NFIX: variants seen among roughly 807,000 people sequenced by gnomAD.
The protein encoded by NFIX is nuclear factor 1 X-type.
Under a neutral mutation model 53.3 loss-of-function variants are expected in NFIX, and 2 were observed. The ratio of observed to expected loss-of-function variants is 0.04; its 90% confidence interval spans 0.02 to 0.12. The LOEUF (loss-of-function observed/expected upper bound fraction) is 0.12, where lower values mean the gene tolerates loss of function less well. Ranked by LOEUF, NFIX falls within the 10% of genes least tolerant of loss-of-function variation. NFIX has a pLI of 1.00. For missense variants in NFIX, 310 were observed against 674.5 expected (o/e 0.46, Z 5.99); for synonymous variants, 244 against 289.0 (o/e 0.84, Z 1.58).
At chr19:13,053,438 G>C (rs995383188) in intron 2 of NFIX, among the ~76,000 whole-genome samples, 7 of 152,186 alleles carry the variant, frequency 4.6e-5, no homozygotes, top group Admixed American at 2.0e-4. Flanking sequence ...AACTGCAGAG[G>C]GGGGAAGGGG....
At chr19:13,039,085 A>AAG (rs2014420447) in intron 2 of NFIX, among the ~76,000 whole-genome samples, 1 of 152,196 alleles carries the variant, frequency 6.6e-6, no homozygotes, top group South Asian at 2.1e-4. Flanking sequence ...AGATATGGCC[A>AAG]AGAGAGAGGC....
At position 13,025,419 on chromosome 19, in the gene NFIX, G is replaced by A. The variant is rs1454047537; in HGVS notation, c.426G>A (p.Leu142=). 2 of 1,614,062 alleles carry A rather than the reference G, an allele frequency of 1.2e-6. No homozygotes were observed. The highest frequency in any genetic ancestry group is 3.3e-5 in the Admixed American group (2 of 60,032). ...TGATTTTGTTTAAGGGGATCCCCCTGGAAAGTACTGATGGGGAGCGGCTCT... is the reference window on the plus strand; with the variant it reads ...TGATTTTGTTTAAGGGGATCCCCCTAGAAAGTACTGATGGGGAGCGGCTCT... The part of the protein sequence containing the change: ...VMVILFKGIP[L]ESTDGERLYK... Residue 142 remains leucine, a synonymous_variant, in exon 2 of 11, where the codon CTG becomes CTA. Transcript: ENST00000592199. This position sits in a 1 kb window ranked among gnomAD's most constrained non-coding sequence, Gnocchi z 7.5.
At chr19:13,055,405 G>C (rs780984823) in intron 2 of NFIX, among the ~76,000 whole-genome samples, 13 of 152,200 alleles carry the variant, frequency 8.5e-5, no homozygotes, top group Non-Finnish European at 1.5e-4. Flanking sequence ...GCATCCGGGG[G>C]CCCCGCCAGG....
At chr19:13,057,044 A>G (rs1003307206) in intron 2 of NFIX, among the ~76,000 whole-genome samples, 5 of 152,226 alleles carry the variant, frequency 3.3e-5, no homozygotes, top group African/African-American at 1.2e-4. Flanking sequence ...GAGGAGGGCT[A>G]TGAGGGGAGG....
intron 2 of NFIX, among the ~76,000 whole-genome samples, chr19:13,039,759 T>C (rs964448287): frequency 3.3e-5 from 5 of 152,182 alleles, no homozygotes; most frequent in African/African-American, 1.2e-4. Context: ...GCTGGAATCT[T>C]GGAGCTGGGA....
At chr19:13,018,711 C>T (rs944128567) in intron 1 of NFIX, among the ~76,000 whole-genome samples, 4 of 152,234 alleles carry the variant, frequency 2.6e-5, no homozygotes, top group South Asian at 2.1e-4. Context: ...CCAGTGCTGC[C>T]GCTGCGTCAT....
intron 2 of NFIX, among the ~76,000 whole-genome samples, chr19:13,069,322 C>A (rs1379933243): frequency 6.6e-6 from 1 of 152,178 alleles, no homozygotes; most frequent in Non-Finnish European, 1.5e-5. Context: ...GGGGACATGG[C>A]CCCAGAAGAC....
chr19:13,000,986 C>T (rs1186500125), intron 1 of NFIX, among the ~76,000 whole-genome samples: 1 of 152,188 alleles, frequency 6.6e-6, no homozygotes, highest in Non-Finnish European at 1.5e-5. Flanking sequence ...TCTCCCCCAC[C>T]CCCATGAAGC....
chr19:13,046,474 C>CT (rs2014994477), intron 2 of NFIX, among the ~76,000 whole-genome samples: 1 of 151,914 alleles, frequency 6.6e-6, no homozygotes, highest in African/African-American at 2.4e-5. Flanking sequence ...TTCCCCCCCC[C>CT]TCTTTTTTTT....
chr19:13,039,533 C>T (rs1300195356), intron 2 of NFIX, among the ~76,000 whole-genome samples: 1 of 152,202 alleles, frequency 6.6e-6, no homozygotes, highest in Non-Finnish European at 1.5e-5. Flanking sequence ...TTGGCCTCCT[C>T]ACTGCACCCT....
At chr19:13,023,731 G>A (rs1412007352) in intron 1 of NFIX, among the ~76,000 whole-genome samples, 4 of 148,680 alleles carry the variant, frequency 2.7e-5, no homozygotes, top group Non-Finnish European at 5.9e-5. Context: ...CAGCCGGCTC[G>A]CTCCCTCTCT....
rs543432548 is a variant in NFIX, at chr19:13,075,810, C to T, written c.955+139C>T. On this transcript the variant is annotated intron_variant, in intron 6 of 10. Coordinates refer to ENST00000592199, the MANE Select transcript of NFIX (RefSeq NM_001365902.3). ...CCCATCTGTTTTCTTGCCTCCTGATCTTCCAGGGAGGGCAGAGCAGGCTGA... is the reference window on the plus strand; with the variant it reads ...CCCATCTGTTTTCTTGCCTCCTGATTTTCCAGGGAGGGCAGAGCAGGCTGA... The T allele has an allele frequency of 2.8e-6, 3 of 1,066,434 alleles. No individual in the cohort carries two copies. The East Asian group carries it at 7.9e-5, about 28-fold the overall frequency. The allele number at this position is 1,066,434 out of a possible 1,614,324, so 66.1% of individuals were successfully genotyped here.
intron 2 of NFIX, among the ~76,000 whole-genome samples, chr19:13,026,760 G>GTA (rs1377686226): frequency 1.3e-5 from 2 of 152,028 alleles, no homozygotes; most frequent in Admixed American, 1.3e-4. Context: ...GTGTGTGTGT[G>GTA]TGTGTGTGTT....
chr19:13,049,952 A>G lies in NFIX; in HGVS notation c.560-23095A>G, dbSNP rs1385357396. Among the ~76,000 whole-genome samples, 2 of 152,218 alleles carry G rather than the reference A, an allele frequency of 1.3e-5. No individual in the cohort carries two copies. The highest frequency in any genetic ancestry group is 2.9e-5 in the Non-Finnish European group (2 of 68,038). On this transcript the variant is annotated intron_variant, in intron 2 of 10. Transcript: ENST00000592199. This position sits in a 1 kb window ranked among gnomAD's most constrained non-coding sequence, Gnocchi z 4.5. ...TGGCTGTGCCACATTTTGTTTATCC[A>G]TTCATACATTGATGGATATTTGGGC...
In NFIX at chr19:13,088,861, T is replaced by A; in HGVS notation, c.1402+725T>A. ...TTTCTTTTCTTTTCTTTTCTTTTTT[T>A]TTCCTCTTAAACCAATGACAAATTT... On this transcript the variant is annotated intron_variant, in intron 9 of 10. Transcript: ENST00000592199. This position sits in a 1 kb window ranked among gnomAD's most constrained non-coding sequence, Gnocchi z 5.9. 6.6e-6 allele frequency among the ~76,000 whole-genome samples: 1 copy of A among 152,210 alleles called. No homozygotes were observed. Among genetic ancestry groups the A allele is most frequent in the Non-Finnish European group, 1.5e-5 (1 of 68,042 alleles).
intron 1 of NFIX, among the ~76,000 whole-genome samples, chr19:12,997,053 G>A (rs969553720): frequency 1.3e-5 from 2 of 152,220 alleles, no homozygotes; most frequent in South Asian, 2.1e-4. Flanking sequence ...CCTGCATGTG[G>A]GGGTTCTCTA....
chr19:13,048,392 G>A (rs377675938), intron 2 of NFIX, among the ~76,000 whole-genome samples: 4 of 152,014 alleles, frequency 2.6e-5, no homozygotes, highest in South Asian at 2.1e-4. Flanking sequence ...CTCACAACCA[G>A]ACTAACCACA....
intron 1 of NFIX, among the ~76,000 whole-genome samples, chr19:13,019,929 T>TC (rs1228292492): frequency 6.7e-6 from 1 of 149,130 alleles, no homozygotes; most frequent in Admixed American, 6.6e-5. Flanking sequence ...TTTCCTTTTT[T>TC]CCCCCCTTGT....
chr19:13,065,489 GC>G (rs2016344854), intron 2 of NFIX, among the ~76,000 whole-genome samples: 1 of 152,184 alleles, frequency 6.6e-6, no homozygotes, highest in African/African-American at 2.4e-5. Context: ...GGGTCACCTT[GC>G]CATGGGCAGA....
Sources: gnomAD v4.1 joint callset for allele counts (sites outside exome capture counted in the v4.1 genomes callset) on GRCh38, gnomAD v4.1.1 for gene constraint, Gnocchi (gnomAD v3.1) non-coding constraint, MANE v1.5 for transcripts, NCBI Gene and HGNC (gene_info 2026-07-23, HGNC 2026-07-21) for gene names.